The following PELI2 variants were observed in gnomAD, a reference collection of about 807,000 sequenced individuals.
The protein encoded by PELI2 is E3 ubiquitin-protein ligase pellino homolog 2.
PELI2 carries 23 observed loss-of-function variants against 42.3 expected under a neutral mutation model. The ratio of observed to expected loss-of-function variants is 0.54; its 90% confidence interval spans 0.39 to 0.77. The LOEUF is 0.77. Ranked by LOEUF, PELI2 falls within the 30% of genes least tolerant of loss-of-function variation. The pLI is 0.00. For synonymous variants in PELI2, 245 were observed against 212.2 expected, an observed-to-expected ratio of 1.15 and a Z score of -1.34; for missense variants, 463 against 553.2, an observed-to-expected ratio of 0.84 and a Z score of 1.64.
chr14:56,160,254 C>G (rs910852317), intron 1 of PELI2, among the ~76,000 whole-genome samples: 8 of 152,174 alleles, frequency 5.3e-5, no homozygotes. Context: ...CCACACCACA[C>G]TGTCCCAGAA....
intron 2 of PELI2, among the ~76,000 whole-genome samples, chr14:56,233,812 A>G (rs548445417): frequency 8.3e-4 from 126 of 152,366 alleles, no homozygotes; most frequent in African/African-American, 2.8e-3. Flanking sequence ...ATCAGAGTGA[A>G]CAGGCAACCT....
At chr14:56,132,907 C>T (rs1438242090) in intron 1 of PELI2, among the ~76,000 whole-genome samples, 1 of 152,144 alleles carries the variant, frequency 6.6e-6, no homozygotes, top group Non-Finnish European at 1.5e-5. Flanking sequence ...TAACACAGAT[C>T]ATTTAGCTTT....
chr14:56,123,196 G>A (rs1231419510), intron 1 of PELI2, among the ~76,000 whole-genome samples: 1 of 148,830 alleles, frequency 6.7e-6, no homozygotes, highest in Non-Finnish European at 1.5e-5. Context: ...TTTTTTAAAA[G>A]CAGGTCCCAC....
At chr14:56,204,216 T>C (rs1300801580) in intron 2 of PELI2, among the ~76,000 whole-genome samples, 1 of 152,216 alleles carries the variant, frequency 6.6e-6, no homozygotes, top group Admixed American at 6.5e-5. Context: ...TGGTGAATAC[T>C]TGGAGATCAG....
chr14:56,210,449 G>C (rs1886674160), intron 2 of PELI2, among the ~76,000 whole-genome samples: 1 of 151,558 alleles, frequency 6.6e-6, no homozygotes, highest in Non-Finnish European at 1.5e-5. Flanking sequence ...TTTCAACTAT[G>C]TACTTGTATT....
intron 1 of PELI2, among the ~76,000 whole-genome samples, chr14:56,171,948 G>A (rs936767433): frequency 1.3e-5 from 2 of 152,068 alleles, no homozygotes; most frequent in Non-Finnish European, 2.9e-5. Flanking sequence ...CTCGAGAGGC[G>A]GAGGTTGTCG....
chr14:56,153,556 A>T (rs1884442700), intron 1 of PELI2, among the ~76,000 whole-genome samples: 1 of 152,180 alleles, frequency 6.6e-6, no homozygotes, highest in South Asian at 2.1e-4. Flanking sequence ...GGCCCTAGAA[A>T]CCAATTTTGT....
chr14:56,140,403 A>G (rs146418556), intron 1 of PELI2, among the ~76,000 whole-genome samples: 126 of 152,400 alleles, frequency 8.3e-4, no homozygotes, highest in African/African-American at 2.9e-3. Flanking sequence ...CTTCAAAAGT[A>G]GTCAAAGCAA....
At chr14:56,172,774 G>T (rs1885225956) in intron 1 of PELI2, among the ~76,000 whole-genome samples, 1 of 152,118 alleles carries the variant, frequency 6.6e-6, no homozygotes, top group Admixed American at 6.5e-5. Context: ...GCTTGTTTTT[G>T]CTTTGTTTTG....
chr14:56,222,306 T>TG (rs1232400918), intron 2 of PELI2, among the ~76,000 whole-genome samples: 7 of 152,222 alleles, frequency 4.6e-5, no homozygotes, highest in Non-Finnish European at 1.0e-4. Context: ...TTTTGCTGGA[T>TG]GTAGATCAGA....
Position 56,197,969 on chromosome 14 carries a change from GACACACACAC to G in PELI2, c.207+19540_207+19549del, listed in dbSNP as rs4038318. Among the ~76,000 whole-genome samples the G allele has an allele frequency of 8.6e-3, 1,118 of 129,712 alleles. 9 individuals carry two copies. Among genetic ancestry groups the G allele is most frequent in the South Asian group, 0.016 (61 of 3,786 alleles). The allele number at this position is 129,712 out of a possible 152,430, so 85.1% of individuals were successfully genotyped here. A position where few individuals can be genotyped will look rare whatever the true frequency, so the allele number is the denominator to read the frequency against. On this transcript the variant is annotated intron_variant, in intron 2 of 5. Transcript: ENST00000267460. The surrounding 1 kb of genome is among the most constrained non-coding windows in gnomAD (Gnocchi z 4.9). ...CACACCAGGGATCATGACTGGTGAA[GACACACACAC>G]ACACACACACACACACACACACACA...
chr14:56,262,633 G>A (rs1014610045), intron 2 of PELI2, among the ~76,000 whole-genome samples: 1 of 152,038 alleles, frequency 6.6e-6, no homozygotes, highest in Non-Finnish European at 1.5e-5. Context: ...TCTGTGCCAC[G>A]GCTTTCCTCT....
Position 56,260,578 on chromosome 14 carries a change from ACTC to A in PELI2, c.208-19094_208-19092del, listed in dbSNP as rs550278010. On this transcript the variant is annotated intron_variant, in intron 2 of 5. Coordinates refer to ENST00000267460, the MANE Select transcript of PELI2 (RefSeq NM_021255.3). ...GTTACATGACTCTTCATTTGTCAAA[ACTC>A]CTCAAATTGTACACTTAAAACTGGT... 3.3e-5 allele frequency among the ~76,000 whole-genome samples: 5 copies of A among 152,102 alleles called. No homozygotes were observed. The South Asian group carries it at 1.0e-3, about 32-fold the overall frequency.
In PELI2 at chr14:56,273,894, C is replaced by T. The variant is rs778371951; in HGVS notation, c.208-5782C>T. ...AGAGGTCTGGGGACAGGTAGTTCCA[C>T]GTTTGATTCAGCATCTCAAAGATGT... On this transcript the variant is annotated intron_variant, in intron 2 of 5. Transcript: ENST00000267460. This position sits in a 1 kb window ranked among gnomAD's most constrained non-coding sequence, Gnocchi z 4.3. Among the ~76,000 whole-genome samples, 3 of 152,198 alleles carry T rather than the reference C, an allele frequency of 2.0e-5. No homozygotes were observed. Among genetic ancestry groups the T allele is most frequent in the Admixed American group, 6.5e-5 (1 of 15,280 alleles).
rs982008049 is a variant in PELI2 at position 56,188,171 on chromosome 14, C to T, written c.207+9707C>T. Among the ~76,000 whole-genome samples, 7 of 152,334 alleles carry T rather than the reference C, an allele frequency of 4.6e-5. No homozygotes were observed. The East Asian group carries it at 5.8e-4, about 13-fold the overall frequency. ...GCTGCATTGGAATTGGCTGACTTCT[C>T]GTGTCTTCCTGGACGGCAGGCTCCT... On this transcript the variant is annotated intron_variant, in intron 2 of 5. Transcript: ENST00000267460.
Position 56,197,524 on chromosome 14 carries a change from T to C in PELI2, c.207+19060T>C, listed in dbSNP as rs1202948236. ...TGAAGCGGGTGTTCTGGCTTTGATATGGAAGGAAAGGATGGAAGCACAGAG... is the reference window on the plus strand; with the variant it reads ...TGAAGCGGGTGTTCTGGCTTTGATACGGAAGGAAAGGATGGAAGCACAGAG... On this transcript the variant is annotated intron_variant, in intron 2 of 5. Coordinates refer to ENST00000267460, the MANE Select transcript of PELI2 (RefSeq NM_021255.3). The surrounding 1 kb of genome is among the most constrained non-coding windows in gnomAD (Gnocchi z 4.9). 6.6e-6 allele frequency among the ~76,000 whole-genome samples: 1 copy of C among 152,022 alleles called. No individual in the cohort carries two copies. Among genetic ancestry groups the C allele is most frequent in the African/African-American group, 2.4e-5 (1 of 41,378 alleles).
At chr14:56,183,183 G>T (rs1199556124) in intron 2 of PELI2, among the ~76,000 whole-genome samples, 2 of 151,986 alleles carry the variant, frequency 1.3e-5, no homozygotes, top group Non-Finnish European at 2.9e-5. Flanking sequence ...GTTTGGGAAG[G>T]TTTTCTTTTT....
chr14:56,138,744 T>C (rs1170143230), intron 1 of PELI2, among the ~76,000 whole-genome samples: 1 of 152,214 alleles, frequency 6.6e-6, no homozygotes, highest in Non-Finnish European at 1.5e-5. Flanking sequence ...AACTAAAATA[T>C]ATAGTAAGCA....
At chr14:56,119,004 G>T (rs1001413342) in intron 1 of PELI2, 4 of 208,044 alleles carry the variant, frequency 1.9e-5, no homozygotes, top group African/African-American at 4.6e-5. Flanking sequence ...CGACCCAGCG[G>T]GGGCAGCGCC....
Sources: allele counts gnomAD v4.1 joint callset (sites outside exome capture counted in the v4.1 genomes callset), GRCh38; gene constraint gnomAD v4.1.1; non-coding constraint Gnocchi (gnomAD v3.1); transcripts MANE v1.5; gene names NCBI Gene and HGNC (gene_info 2026-07-23, HGNC 2026-07-21).